Variants in SLC4A8 observed in about 807,000 individuals in gnomAD.
The protein encoded by SLC4A8 is solute carrier family 4 member 8.
SLC4A8 carries 40 observed loss-of-function variants against 125.0 expected under a neutral mutation model. That is an observed-to-expected ratio of 0.32 (90% CI 0.25 to 0.42). The LOEUF (loss-of-function observed/expected upper bound fraction) is 0.42, where lower values mean the gene tolerates loss of function less well. SLC4A8 is among the 10% of genes least tolerant of loss of function. The pLI is 1.00. For missense variants in SLC4A8, 863 were observed against 1,355.1 expected, an observed-to-expected ratio of 0.64 and a Z score of 5.70; for synonymous variants, 456 against 476.0, an observed-to-expected ratio of 0.96 and a Z score of 0.55.
At chr12:51,420,976 GGCTATCCATGTA>G (rs1345390175), upstream of SLC4A8, among the ~76,000 whole-genome samples, 11 of 152,256 alleles carry the variant, frequency 7.2e-5, no homozygotes, top group South Asian at 2.1e-4. Flanking sequence ...GATGAAGTGA[GGCTATCCATGTA>G]GCATGCCTCT....
rs537030448 is a variant in SLC4A8, at chr12:51,508,195, A to G, written c.*757A>G. The G allele has an allele frequency of 6.6e-6, 1 of 152,368 alleles. No individual in the cohort carries two copies. The highest frequency in any genetic ancestry group is 1.9e-4 in the East Asian group (1 of 5,184). 9.4% of individuals were successfully genotyped at this position (152,368 alleles called of 1,614,324 possible). ...AAGGGATCCAGGGAAAATCAACAGT[A>G]AGTGAGGATGAGCAGTGTCTCTTGG... On this transcript the variant is annotated 3_prime_UTR_variant, in exon 25 of 25. Coordinates refer to ENST00000453097, the MANE Select transcript of SLC4A8 (RefSeq NM_001039960.3).
intron 2 of SLC4A8, among the ~76,000 whole-genome samples, chr12:51,447,125 A>G (rs1949799533): frequency 1.4e-5 from 2 of 145,570 alleles, no homozygotes; most frequent in South Asian, 2.2e-4. Flanking sequence ...CCCAGGCTGG[A>G]GTGCGGTGGT....
At chr12:51,411,065 TA>T (rs1565755033) in intron 1 of SLC4A8, among the ~76,000 whole-genome samples, 2 of 134,388 alleles carry the variant, frequency 1.5e-5, no homozygotes, top group South Asian at 2.4e-4. Flanking sequence ...TTTTTTTTTT[TA>T]AATACAGAAT....
intron 2 of SLC4A8, among the ~76,000 whole-genome samples, chr12:51,447,256 T>A (rs187522638): frequency 6.6e-6 from 1 of 152,226 alleles, no homozygotes; most frequent in Non-Finnish European, 1.5e-5. Flanking sequence ...CTAATTTTTT[T>A]TTTTTTTACA....
intron 1 of SLC4A8, among the ~76,000 whole-genome samples, chr12:51,412,382 G>A (rs1948611600): frequency 6.6e-6 from 1 of 151,956 alleles, no homozygotes; most frequent in South Asian, 2.1e-4. Flanking sequence ...AATCAAATCA[G>A]GGTATTTAGG....
chr12:51,496,116 C>A (rs1236431143), intron 21 of SLC4A8, among the ~76,000 whole-genome samples: 1 of 152,118 alleles, frequency 6.6e-6, no homozygotes, highest in Non-Finnish European at 1.5e-5. Flanking sequence ...GGTTTGTATT[C>A]GTGTGTTACG....
At chr12:51,403,369 C>T in intron 1 of SLC4A8, 2 of 408,986 alleles carry the variant, frequency 4.9e-6, no homozygotes, top group South Asian at 1.7e-5. Flanking sequence ...GGAGCCATGA[C>T]AGCCTGTTGA....
chr12:51,495,239 A>T, intron 21 of SLC4A8, 121 bp downstream of exon 21: 2 of 801,556 alleles, frequency 2.5e-6, no homozygotes, highest in East Asian at 5.4e-5. Context: ...GTACATTCAC[A>T]TTGCTGTGGA....
At chr12:51,490,796 G>A (rs1049683466) in intron 19 of SLC4A8, among the ~76,000 whole-genome samples, 2 of 152,102 alleles carry the variant, frequency 1.3e-5, no homozygotes, top group African/African-American at 4.8e-5. Context: ...TGTCGACAGT[G>A]GGCAAGGTAA....
rs1333353087 is a variant in SLC4A8 at position 51,474,381 on chromosome 12, C to T, written c.1944C>T (p.Thr648=). ...TGCCAGAGAATCCAAACAATCACAC[C>T]CTCCAGTACTGGAAGGACCACAACA... ...CTLPENPNNH[T]LQYWKDHNIV... The change falls in exon 15 of 25, where the codon ACC becomes ACT. Residue 648 remains threonine, a synonymous_variant. Coordinates refer to ENST00000453097, the MANE Select transcript of SLC4A8 (RefSeq NM_001039960.3). 1 of 1,603,754 alleles carries T rather than the reference C, an allele frequency of 6.2e-7. No homozygotes were observed. Among genetic ancestry groups the T allele is most frequent in the Non-Finnish European group, 8.5e-7 (1 of 1,171,874 alleles).
At chr12:51,430,940 TAAA>T (rs1949165953) in intron 1 of SLC4A8, among the ~76,000 whole-genome samples, 1 of 152,210 alleles carries the variant, frequency 6.6e-6, no homozygotes, top group South Asian at 2.1e-4. Flanking sequence ...TTTGATGGCT[TAAA>T]AAACACAAAT....
chr12:51,456,238 A>T (rs1950147732), intron 5 of SLC4A8, among the ~76,000 whole-genome samples: 1 of 152,086 alleles, frequency 6.6e-6, no homozygotes, highest in Non-Finnish European at 1.5e-5. Context: ...TTCCCCCAAG[A>T]TGAAGGGTCC....
chr12:51,463,257 T>C (rs1950398838), intron 10 of SLC4A8, among the ~76,000 whole-genome samples: 1 of 152,128 alleles, frequency 6.6e-6, no homozygotes, highest in Admixed American at 6.5e-5. Context: ...AAAACTGTCT[T>C]CTAGGGCAAG....
At position 51,474,337 on chromosome 12, in the gene SLC4A8, C is replaced by T. The variant is rs547990808; in HGVS notation, c.1905-5C>T. ...CTCAGGAATCTTTTTAATTTTTCCC[C>T]TCAGCTGCAGGTGTACTCTGCCAGA... On this transcript the variant is annotated splice_polypyrimidine_tract_variant and splice_region_variant and intron_variant, in intron 14 of 24. Transcript: ENST00000453097. The T allele has an allele frequency of 1.1e-5, 17 of 1,549,882 alleles. No homozygotes were observed. In the South Asian group the frequency reaches 2.0e-4, roughly 18 times the overall value.
rs1436110174 is a variant in SLC4A8, at chr12:51,509,892, A to G, written c.*2454A>G. On this transcript the variant is annotated 3_prime_UTR_variant, in exon 25 of 25. Transcript: ENST00000453097. ...TCCATGGGGAAGATTGTGAGTGAAG[A>G]TGGGAAGGAATTTGGGTGGTTTTGC... 6.6e-6 allele frequency: 1 copy of G among 152,342 alleles called. No individual in the cohort carries two copies. Among genetic ancestry groups the G allele is most frequent in the Non-Finnish European group, 1.5e-5 (1 of 68,054 alleles). 9.4% of individuals were successfully genotyped at this position (152,342 alleles called of 1,614,324 possible).
At position 51,470,366 on chromosome 12, in the gene SLC4A8, T is replaced by C. The variant is rs752098910; in HGVS notation, c.1525-26T>C. 2.5e-6 allele frequency: 4 copies of C among 1,612,480 alleles called. No individual in the cohort carries two copies. In the African/African-American group the frequency reaches 5.3e-5, roughly 22 times the overall value. On this transcript the variant is annotated intron_variant, in intron 12 of 24. Transcript: ENST00000453097. The stretch of plus-strand genomic sequence containing the variant: ...TACTCTGTACTGATGGGCTATGGAC[T>C]CAGTGATGACTTTTTTTCCTCTCAG...
intron 1 of SLC4A8, among the ~76,000 whole-genome samples, chr12:51,411,742 T>C (rs1327417891): frequency 1.3e-5 from 2 of 152,202 alleles, no homozygotes; most frequent in African/African-American, 4.8e-5. Flanking sequence ...GCAGTGTCAG[T>C]TGAAAGAGCT....
rs149871617 is a variant in SLC4A8 at position 51,448,691 on chromosome 12, G to A, written c.131-2185G>A. On this transcript the variant is annotated intron_variant, in intron 2 of 24. Transcript: ENST00000453097. Reference sequence around the variant, plus strand: ...AAGTGGTTTGGATACTGCCTGCAACGTGGTGGGCTCTCAAGAAAGTCTTTT... The same window carrying A: ...AAGTGGTTTGGATACTGCCTGCAACATGGTGGGCTCTCAAGAAAGTCTTTT... Among the ~76,000 whole-genome samples the A allele has an allele frequency of 1.1e-3, 165 of 152,260 alleles. 2 individuals are homozygous for A. The Middle Eastern group carries it at 0.014, about 13-fold the overall frequency.
chr12:51,497,053 C>A lies in SLC4A8; in HGVS notation c.3010C>A (p.Leu1004Ile). Residue 1004 changes from leucine (L) to isoleucine (I), a missense_variant, in exon 22 of 25, where the codon CTA (leucine) becomes ATA (isoleucine). By Grantham distance (5) the Leu-to-Ile change is conservative. This residue lies in a region of SLC4A8 where 92 missense variants were observed against 125.6 expected (regional missense o/e 0.73). Coordinates refer to ENST00000453097, the MANE Select transcript of SLC4A8 (RefSeq NM_001039960.3). ...TTTCTCTAAGCGAGAGCTGAGCTGG[C>A]TAGATGATCTCATGCCTGAAAGCAA... ...LCFSKRELSW[L>I]DDLMPESKKK... The A allele has an allele frequency of 6.2e-7, 1 of 1,613,778 alleles. No homozygotes were observed. The highest frequency in any genetic ancestry group is 8.5e-7 in the Non-Finnish European group (1 of 1,179,950).
Sources: allele counts gnomAD v4.1 joint callset (sites outside exome capture counted in the v4.1 genomes callset), GRCh38; gene constraint gnomAD v4.1.1; regional missense constraint gnomAD v4.1.1; transcripts MANE v1.5; gene names NCBI Gene and HGNC (gene_info 2026-07-23, HGNC 2026-07-21).